The following CRTC1 variants were observed in gnomAD, a reference collection of about 807,000 sequenced individuals.
The protein encoded by CRTC1 is CREB regulated transcription coactivator 1.
CRTC1 carries 18 observed loss-of-function variants against 66.1 expected under a neutral mutation model. That is an observed-to-expected ratio of 0.27 (90% CI 0.19 to 0.40). CRTC1 has a LOEUF of 0.40. CRTC1 is among the 10% of genes least tolerant of loss of function. The pLI, the probability that CRTC1 is intolerant of heterozygous loss-of-function variation, is 1.00. For missense variants in CRTC1, 669 were observed against 887.9 expected (o/e 0.75, Z 3.13); for synonymous variants, 416 against 398.8 (o/e 1.04, Z -0.51).
intron 4 of CRTC1, among the ~76,000 whole-genome samples, chr19:18,747,766 C>G (rs1600927200): frequency 6.6e-6 from 1 of 152,114 alleles, no homozygotes; most frequent in Admixed American, 6.6e-5. Flanking sequence ...TATATTAACA[C>G]ATTTAGGATG....
chr19:18,751,039 G>A (rs2145766500), intron 5 of CRTC1, among the ~76,000 whole-genome samples: 1 of 152,254 alleles, frequency 6.6e-6, no homozygotes, highest in African/African-American at 2.4e-5. Flanking sequence ...TGGAGTGGGG[G>A]CCTGGCAGGG....
chr19:18,704,778 A>G (rs1034442941), intron 1 of CRTC1, among the ~76,000 whole-genome samples: 1 of 152,206 alleles, frequency 6.6e-6, no homozygotes, highest in Non-Finnish European at 1.5e-5. Flanking sequence ...TTAAGTGTGC[A>G]GTTCAGTGGC....
intron 6 of CRTC1, among the ~76,000 whole-genome samples, chr19:18,758,156 T>C (rs2054532471): frequency 1.3e-5 from 2 of 150,550 alleles, no homozygotes; most frequent in South Asian, 4.2e-4. Context: ...GGTCAGGAGA[T>C]GGAGACCCTC....
intron 1 of CRTC1, among the ~76,000 whole-genome samples, chr19:18,705,797 ATT>A (rs71168764): frequency 1.3e-4 from 19 of 150,982 alleles, no homozygotes; most frequent in African/African-American, 2.7e-4. Flanking sequence ...TAATCCTAAT[ATT>A]TTTTTTTTGC....
chr19:18,697,110 T>C (rs1600766600), intron 1 of CRTC1, among the ~76,000 whole-genome samples: 1 of 151,784 alleles, frequency 6.6e-6, no homozygotes, highest in Non-Finnish European at 1.5e-5. Flanking sequence ...GGGGTCCAGG[T>C]GTGTAAATAA....
intron 6 of CRTC1, among the ~76,000 whole-genome samples, chr19:18,757,993 G>C (rs989354825): frequency 1.3e-5 from 2 of 151,814 alleles, no homozygotes; most frequent in African/African-American, 4.8e-5. Context: ...ACTCCAGCCT[G>C]GGCGACAGAG....
At chr19:18,754,464 G>A (rs775988651) in intron 6 of CRTC1, among the ~76,000 whole-genome samples, 1 of 152,164 alleles carries the variant, frequency 6.6e-6, no homozygotes, top group African/African-American at 2.4e-5. Flanking sequence ...AGTGAGCTAT[G>A]ACTATACCAT....
At position 18,782,096 on chromosome 19, in the gene CRTC1, C is replaced by A. The variant is rs886124892; in HGVS notation, c.*4714C>A. The A allele has an allele frequency of 4.5e-6, 1 of 224,138 alleles. No homozygotes were observed. Among genetic ancestry groups the A allele is most frequent in the Admixed American group, 5.7e-5 (1 of 17,442 alleles). The allele number at this position is 224,138 out of a possible 1,614,324, so 13.9% of individuals were successfully genotyped here. ...ACTGATATATGCAAACCCGCCGGTC[C>A]GAGCCCTGTTCCTGCCTGTGCTCCT... On this transcript the variant is annotated 3_prime_UTR_variant, in exon 14 of 14. Transcript: ENST00000321949.
intron 1 of CRTC1, among the ~76,000 whole-genome samples, chr19:18,721,550 A>G (rs2053631744): frequency 6.8e-6 from 1 of 146,866 alleles, no homozygotes; most frequent in Non-Finnish European, 1.5e-5. Context: ...GCTGGAGTGC[A>G]GAGGCACAAT....
rs2054112745 is a variant in CRTC1 at position 18,741,620 on chromosome 19, C to G, written c.127-1290C>G. Among the ~76,000 whole-genome samples, 6 of 152,172 alleles carry G rather than the reference C, an allele frequency of 3.9e-5. No individual in the cohort carries two copies. The highest frequency in any genetic ancestry group is 3.9e-4 in the Admixed American group (6 of 15,280). On this transcript the variant is annotated intron_variant, in intron 1 of 13. Transcript: ENST00000321949. The surrounding 1 kb of genome is among the most constrained non-coding windows in gnomAD (Gnocchi z 4.2). Reference sequence around the variant, plus strand: ...GCCACAGCCCGGAGCTGGCCTGTTTCATCTGGTGTGACTGCTGGGAGGGAC... The same window carrying G: ...GCCACAGCCCGGAGCTGGCCTGTTTGATCTGGTGTGACTGCTGGGAGGGAC...
Position 18,780,581 on chromosome 19 carries a change from C to T in CRTC1, c.*3199C>T. On this transcript the variant is annotated 3_prime_UTR_variant, in exon 14 of 14. Transcript: ENST00000321949. ...GAGGGCCCCCCATGTCCATCCATCC[C>T]TCCTGCTGGGGCTTGGATGTCAGGC... 1 of 230,854 alleles carries T rather than the reference C, an allele frequency of 4.3e-6. No homozygotes were observed. Among genetic ancestry groups the T allele is most frequent in the Non-Finnish European group, 8.6e-6 (1 of 116,560 alleles). 14.3% of individuals were successfully genotyped at this position (230,854 alleles called of 1,614,324 possible).
rs374965702 is a variant in CRTC1 at position 18,690,808 on chromosome 19, G to A, written c.126+6980G>A. ...TGGGAGGCCGGGGTGGGCAGATCAC[G>A]AGGTCAGGAGATCGAGACCATCCTG... is the stretch of plus-strand genomic sequence containing the variant. On this transcript the variant is annotated intron_variant, in intron 1 of 13. Coordinates refer to ENST00000321949, the MANE Select transcript of CRTC1 (RefSeq NM_015321.3). Among the ~76,000 whole-genome samples the A allele has an allele frequency of 3.2e-3, 479 of 151,914 alleles. 5 individuals carry two copies. Among genetic ancestry groups the A allele is most frequent in the African/African-American group, 0.011 (460 of 41,446 alleles).
chr19:18,766,472 A>T (rs1214338147), intron 9 of CRTC1, among the ~76,000 whole-genome samples: 2 of 150,912 alleles, frequency 1.3e-5, no homozygotes, highest in Non-Finnish European at 1.5e-5. Flanking sequence ...TTTGAGACAG[A>T]GTCTCGCTCT....
At position 18,773,078 on chromosome 19, in the gene CRTC1, G is replaced by A. The variant is rs1404315215; in HGVS notation, c.1425+1532G>A. Among the ~76,000 whole-genome samples the A allele has an allele frequency of 4.6e-5, 7 of 152,332 alleles. No individual in the cohort carries two copies. The East Asian group carries it at 7.7e-4, about 17-fold the overall frequency. On this transcript the variant is annotated intron_variant, in intron 11 of 13. Coordinates refer to ENST00000321949, the MANE Select transcript of CRTC1 (RefSeq NM_015321.3). ...AAAGCGGGTTAGTCTGCTGGGCAGC[G>A]AGCAGGTGGCGGTGTTGTCAAGCCC...
At position 18,739,556 on chromosome 19, in the gene CRTC1, C is replaced by T. The variant is rs998033106; in HGVS notation, c.127-3354C>T. ...TTCACTTGTGGATTCCGCCGGCAGG[C>T]GCTGCTGAGCAGCGGGTCCTGGGCT... On this transcript the variant is annotated intron_variant, in intron 1 of 13. Coordinates refer to ENST00000321949, the MANE Select transcript of CRTC1 (RefSeq NM_015321.3). 3.3e-5 allele frequency among the ~76,000 whole-genome samples: 5 copies of T among 152,136 alleles called. No individual in the cohort carries two copies. In the South Asian group the frequency reaches 6.2e-4, roughly 19 times the overall value.
intron 1 of CRTC1, among the ~76,000 whole-genome samples, chr19:18,707,114 AC>A (rs1249108158): frequency 6.6e-6 from 1 of 151,968 alleles, no homozygotes; most frequent in African/African-American, 2.4e-5. Context: ...ATTATTGCCA[AC>A]TCCAGTGTAT....
At chr19:18,715,376 C>G (rs532614142) in intron 1 of CRTC1, among the ~76,000 whole-genome samples, 1 of 152,192 alleles carries the variant, frequency 6.6e-6, no homozygotes, top group African/African-American at 2.4e-5. Context: ...TACAGGTGCA[C>G]GACACCACGC....
At chr19:18,689,146 C>T (rs1486854913) in intron 1 of CRTC1, among the ~76,000 whole-genome samples, 1 of 151,886 alleles carries the variant, frequency 6.6e-6, no homozygotes, top group Non-Finnish European at 1.5e-5. Flanking sequence ...AGGGTTTTGC[C>T]ATGTTGGGCA....
chr19:18,697,884 G>A (rs568594473), intron 1 of CRTC1, among the ~76,000 whole-genome samples: 2 of 152,390 alleles, frequency 1.3e-5, no homozygotes, highest in East Asian at 1.9e-4. Flanking sequence ...GAGGCACTTC[G>A]TGCCCACACA....
Sources: allele counts gnomAD v4.1 joint callset (sites outside exome capture counted in the v4.1 genomes callset), GRCh38; gene constraint gnomAD v4.1.1; non-coding constraint Gnocchi (gnomAD v3.1); transcripts MANE v1.5; gene names NCBI Gene and HGNC (gene_info 2026-07-23, HGNC 2026-07-21).